The following LPP variants were observed in gnomAD, a reference collection of about 807,000 sequenced individuals.
LPP encodes LIM domain containing preferred translocation partner in lipoma.
LPP carries 38 observed loss-of-function variants against 60.4 expected under a neutral mutation model. The observed-to-expected ratio is 0.63, with a 90% confidence interval of 0.49 to 0.83. LPP has a LOEUF of 0.83. LPP is among the 40% of genes least tolerant of loss of function. LPP has a pLI of 0.00. For missense variants in LPP, 902 were observed against 783.6 expected (o/e 1.15, Z -1.80); for synonymous variants, 328 against 290.8 (o/e 1.13, Z -1.30).
intron 7 of LPP, among the ~76,000 whole-genome samples, chr3:188,704,644 C>A (rs1865119264): frequency 6.6e-6 from 1 of 152,158 alleles, no homozygotes; most frequent in Non-Finnish European, 1.5e-5. Context: ...AAAACACTTA[C>A]CGTGGTTTCT....
In LPP at chr3:188,742,433, A is replaced by G. The variant is rs191749381; in HGVS notation, c.1241-17680A>G. On this transcript the variant is annotated intron_variant, in intron 8 of 11. Transcript: ENST00000617246. Reference sequence around the variant, plus strand: ...TGAAAGGACAAATTATGCTATATTTATACAATGAAAGATGACTCATCGGTA... The same window carrying G: ...TGAAAGGACAAATTATGCTATATTTGTACAATGAAAGATGACTCATCGGTA... Among the ~76,000 whole-genome samples, 1,290 of 152,284 alleles carry G rather than the reference A, an allele frequency of 8.5e-3. 5 individuals carry two copies. The highest frequency in any genetic ancestry group is 0.017 in the South Asian group (81 of 4,828).
intron 6 of LPP, among the ~76,000 whole-genome samples, chr3:188,569,294 G>C (rs370782141): frequency 1.3e-5 from 2 of 151,860 alleles, no homozygotes; most frequent in South Asian, 4.2e-4. Flanking sequence ...CAGGAGTCTG[G>C]GGGGAAGACA....
intron 7 of LPP, among the ~76,000 whole-genome samples, chr3:188,690,689 C>G (rs1403061465): frequency 6.6e-6 from 1 of 152,146 alleles, no homozygotes; most frequent in Non-Finnish European, 1.5e-5. Flanking sequence ...TCAAAGTGTT[C>G]TCTCTTTCCA....
intron 9 of LPP, among the ~76,000 whole-genome samples, chr3:188,809,993 A>T (rs1294617917): frequency 2.6e-5 from 4 of 151,988 alleles, no homozygotes; most frequent in African/African-American, 9.7e-5. Flanking sequence ...ATGGTTGTAG[A>T]TGTGTGGTGT....
At chr3:188,353,460 A>C (rs73055511) in intron 3 of LPP, among the ~76,000 whole-genome samples, 2,732 of 152,318 alleles carry the variant, frequency 0.018, 68 homozygotes, top group African/African-American at 0.06. Context: ...AACCCAATAC[A>C]CTGTCTATTA....
At chr3:188,818,358 T>C (rs1295279170) in intron 9 of LPP, among the ~76,000 whole-genome samples, 1 of 152,218 alleles carries the variant, frequency 6.6e-6, no homozygotes, top group African/African-American at 2.4e-5. Flanking sequence ...CAAGCTCTTC[T>C]GAGTATTATA....
chr3:188,829,960 C>G (rs1293017693), intron 9 of LPP, among the ~76,000 whole-genome samples: 1 of 150,872 alleles, frequency 6.6e-6, no homozygotes, highest in African/African-American at 2.4e-5. Context: ...TCACTTCAGT[C>G]CAGGAGTTTC....
intron 6 of LPP, among the ~76,000 whole-genome samples, chr3:188,552,816 T>TA (rs1202744465): frequency 6.6e-6 from 1 of 152,216 alleles, no homozygotes; most frequent in African/African-American, 2.4e-5. Context: ...TCAAAATCTT[T>TA]AACCTTAATC....
At chr3:188,304,847 T>TGGCTGA (rs1409183640) in intron 2 of LPP, among the ~76,000 whole-genome samples, 1 of 152,242 alleles carries the variant, frequency 6.6e-6, no homozygotes, top group Admixed American at 6.5e-5. Flanking sequence ...TTCCCTATTA[T>TGGCTGA]GGCTGAGACC....
intron 4 of LPP, among the ~76,000 whole-genome samples, chr3:188,458,410 G>A (rs1204387679): frequency 1.3e-5 from 2 of 152,126 alleles, no homozygotes; most frequent in Non-Finnish European, 2.9e-5. Context: ...CAGTTGAGAT[G>A]CATTATCTTT....
Position 188,354,877 on chromosome 3 carries a change from C to T in LPP, c.-10+13158C>T, listed in dbSNP as rs141589166. Among the ~76,000 whole-genome samples, 246 of 151,908 alleles carry T rather than the reference C, an allele frequency of 1.6e-3. 1 individual carries two copies. Among genetic ancestry groups the T allele is most frequent in the Middle Eastern group, 3.4e-3 (1 of 294 alleles). ...GAGGACAAAAAGGAAATAAAAGCATCACTTTGTACCTTCCTCAATTCAAAC... is the reference window on the plus strand; with the variant it reads ...GAGGACAAAAAGGAAATAAAAGCATTACTTTGTACCTTCCTCAATTCAAAC... On this transcript the variant is annotated intron_variant, in intron 3 of 11. Transcript: ENST00000617246.
intron 7 of LPP, among the ~76,000 whole-genome samples, chr3:188,660,430 T>C (rs955898666): frequency 4.6e-5 from 7 of 152,208 alleles, no homozygotes; most frequent in African/African-American, 1.4e-4. Flanking sequence ...GTTATTCTCA[T>C]AGTCACAAAA....
intron 1 of LPP, among the ~76,000 whole-genome samples, chr3:188,215,236 G>A (rs1293238188): frequency 6.6e-6 from 1 of 152,072 alleles, no homozygotes; most frequent in African/African-American, 2.4e-5. Flanking sequence ...AATCCAGGGA[G>A]TGGAGGTTGC....
intron 2 of LPP, among the ~76,000 whole-genome samples, chr3:188,240,905 C>T (rs1724361879): frequency 6.6e-6 from 1 of 152,176 alleles, no homozygotes; most frequent in African/African-American, 2.4e-5. Context: ...GTGTGGAGAG[C>T]AAGGCCAGTT....
At chr3:188,305,666 A>G (rs1751291063) in intron 2 of LPP, among the ~76,000 whole-genome samples, 1 of 152,242 alleles carries the variant, frequency 6.6e-6, no homozygotes, top group Non-Finnish European at 1.5e-5. Flanking sequence ...TATAGACTTA[A>G]GAGAACTGCC....
chr3:188,326,515 G>A (rs998444179), intron 2 of LPP, among the ~76,000 whole-genome samples: 1 of 152,156 alleles, frequency 6.6e-6, no homozygotes, highest in Non-Finnish European at 1.5e-5. Context: ...AAGGGGGCAT[G>A]ATCGTTTCTA....
intron 5 of LPP, among the ~76,000 whole-genome samples, chr3:188,488,592 C>G (rs957246340): frequency 6.6e-6 from 1 of 151,962 alleles, no homozygotes; most frequent in African/African-American, 2.4e-5. Context: ...GTTTAATGCT[C>G]TGAGTCTCAG....
At chr3:188,236,117 G>A (rs1721834190) in intron 2 of LPP, among the ~76,000 whole-genome samples, 1 of 151,964 alleles carries the variant, frequency 6.6e-6, no homozygotes, top group Admixed American at 6.6e-5. Flanking sequence ...GAGTAAATAT[G>A]TAATATTTAC....
At chr3:188,245,048 C>T (rs965806651) in intron 2 of LPP, among the ~76,000 whole-genome samples, 4 of 152,136 alleles carry the variant, frequency 2.6e-5, no homozygotes, top group Middle Eastern at 3.2e-3. Context: ...TCTTTGCACT[C>T]ATCATTCTAG....
Sources: allele counts gnomAD v4.1 joint callset (sites outside exome capture counted in the v4.1 genomes callset), GRCh38; gene constraint gnomAD v4.1.1; transcripts MANE v1.5; gene names NCBI Gene and HGNC (gene_info 2026-07-23, HGNC 2026-07-21).